The following COG5 variants were observed in gnomAD, a reference collection of about 807,000 sequenced individuals.
The protein encoded by COG5 is component of oligomeric golgi complex 5, also known as conserved oligomeric Golgi complex subunit 5.
Under a neutral mutation model 110.4 loss-of-function variants are expected in COG5, and 86 were observed. The observed-to-expected ratio is 0.78, with a 90% CI of 0.65 to 0.93. The LOEUF (loss-of-function observed/expected upper bound fraction) is 0.93, where lower values mean the gene tolerates loss of function less well. Ranked by LOEUF, COG5 falls within the 40% of genes least tolerant of loss-of-function variation. The pLI, the probability that COG5 is intolerant of heterozygous loss-of-function variation, is 0.00. For missense variants in COG5, 1,077 were observed against 987.0 expected (o/e 1.09, Z -1.22); for synonymous variants, 360 against 334.6 (o/e 1.08, Z -0.83).
intron 7 of COG5, among the ~76,000 whole-genome samples, chr7:107,377,693 G>A (rs1168587568): frequency 6.6e-6 from 1 of 152,152 alleles, no homozygotes; most frequent in Non-Finnish European, 1.5e-5. Flanking sequence ...GTGCATAACA[G>A]CAAAAATAAG....
intron 6 of COG5, among the ~76,000 whole-genome samples, chr7:107,451,180 T>C (rs944292541): frequency 1.3e-5 from 2 of 152,114 alleles, no homozygotes. Flanking sequence ...TGGATCCAGA[T>C]GTTGTGCATG....
At chr7:107,236,874 A>C (rs1293253279) in intron 17 of COG5, among the ~76,000 whole-genome samples, 187 bp from the exon 18 acceptor site, 1 of 152,242 alleles carries the variant, frequency 6.6e-6, no homozygotes, top group Non-Finnish European at 1.5e-5. Context: ...TACATTTCAA[A>C]AAGTGGTTTA....
chr7:107,207,561 C>T (rs1226017522), intron 21 of COG5, among the ~76,000 whole-genome samples: 1 of 152,202 alleles, frequency 6.6e-6, no homozygotes, highest in Non-Finnish European at 1.5e-5. Context: ...GAGGCCAACC[C>T]CACCGCTGTT....
chr7:107,297,488 G>C (rs536212150), intron 12 of COG5, among the ~76,000 whole-genome samples: 4 of 104,728 alleles, frequency 3.8e-5, no homozygotes, highest in Non-Finnish European at 7.3e-5. Context: ...TCATTTTGTC[G>C]CCCAGGCTGG....
At chr7:107,365,787 A>G (rs1035476685) in intron 8 of COG5, among the ~76,000 whole-genome samples, 1 of 152,092 alleles carries the variant, frequency 6.6e-6, no homozygotes, top group African/African-American at 2.4e-5. Flanking sequence ...ACTGGTAGCC[A>G]TACTAAGCTT....
At chr7:107,284,036 T>C (rs1020943309) in intron 12 of COG5, among the ~76,000 whole-genome samples, 5 of 152,030 alleles carry the variant, frequency 3.3e-5, no homozygotes, top group Admixed American at 3.3e-4. Flanking sequence ...GCGATTCTCC[T>C]GCCTCAGCCT....
chr7:107,260,075 G>GATATATATATATATATATAGATATATAT (rs143875588), intron 14 of COG5, among the ~76,000 whole-genome samples: 1 of 131,492 alleles, frequency 7.6e-6, no homozygotes, highest in Non-Finnish European at 1.7e-5. Context: ...AACTCCTAGT[G>GATATATATATATATATATAGATATATAT]ATATATATAT....
chr7:107,306,587 T>C (rs1459370147), intron 11 of COG5, among the ~76,000 whole-genome samples: 3 of 152,194 alleles, frequency 2.0e-5, no homozygotes, highest in African/African-American at 7.2e-5. Flanking sequence ...TCTCACATTT[T>C]GGTTTTCTAT....
chr7:107,533,993 G>A (rs1158005157), intron 5 of COG5, among the ~76,000 whole-genome samples: 3 of 151,686 alleles, frequency 2.0e-5, no homozygotes, highest in South Asian at 2.1e-4. Context: ...CAAGCCAGAA[G>A]AGAGTAGCAG....
chr7:107,541,165 A>T (rs1351290884), intron 5 of COG5, among the ~76,000 whole-genome samples: 1 of 150,450 alleles, frequency 6.6e-6, no homozygotes, highest in Non-Finnish European at 1.5e-5. Context: ...AAAAAAAAAA[A>T]ATTTATAAAC....
chr7:107,486,788 T>C (rs1453294596), intron 6 of COG5, among the ~76,000 whole-genome samples: 1 of 152,170 alleles, frequency 6.6e-6, no homozygotes, highest in Non-Finnish European at 1.5e-5. Flanking sequence ...GGATTATTCA[T>C]TAAGTAGTGT....
chr7:107,358,169 A>C (rs945914394), intron 10 of COG5, among the ~76,000 whole-genome samples: 2 of 152,198 alleles, frequency 1.3e-5, no homozygotes, highest in African/African-American at 4.8e-5. Context: ...TTGTTTCATT[A>C]TAACTGTTCT....
chr7:107,269,330 C>A (rs1395380415), intron 14 of COG5, among the ~76,000 whole-genome samples: 2 of 151,950 alleles, frequency 1.3e-5, no homozygotes, highest in Non-Finnish European at 2.9e-5. Flanking sequence ...AAAAAATTAG[C>A]CGGGTGTGGT....
chr7:107,563,551 G>C lies in COG5; in HGVS notation c.94+252C>G, dbSNP rs867424408. ...TCAGGGAAGCTGGAGGCATGGGGGG[G>C]GGGGGGGTCGAGTTGAAATGAGGAA... is the stretch of plus-strand genomic sequence containing the variant. On this transcript the variant is annotated intron_variant, in intron 1 of 21. Coordinates refer to ENST00000297135, the MANE Select transcript of COG5 (RefSeq NM_006348.5). 8.0e-4 allele frequency: 399 copies of C among 498,188 alleles called. 8 individuals are homozygous for C. The highest frequency in any genetic ancestry group is 5.9e-3 in the African/African-American group (302 of 50,848). The allele number at this position is 498,188 out of a possible 1,614,324, so 30.9% of individuals were successfully genotyped here. A position where few individuals can be genotyped will look rare whatever the true frequency, so the allele number is the denominator to read the frequency against.
chr7:107,555,997 G>A (rs1255615642), intron 2 of COG5, among the ~76,000 whole-genome samples: 2 of 150,028 alleles, frequency 1.3e-5, no homozygotes, highest in African/African-American at 4.9e-5. Flanking sequence ...CTGGGTGACA[G>A]AGCAAGACTC....
At chr7:107,356,077 AAAC>A (rs1197085422) in intron 10 of COG5, among the ~76,000 whole-genome samples, 1 of 152,240 alleles carries the variant, frequency 6.6e-6, no homozygotes, top group African/African-American at 2.4e-5. Flanking sequence ...ATTAATTTTA[AAAC>A]AACTCTAGAT....
chr7:107,263,508 G>T (rs1584591298), intron 14 of COG5, among the ~76,000 whole-genome samples: 1 of 152,198 alleles, frequency 6.6e-6, no homozygotes, highest in South Asian at 2.1e-4. Flanking sequence ...GTACAATCTG[G>T]AAAGATGTTA....
chr7:107,479,299 T>C (rs947168674), intron 6 of COG5, among the ~76,000 whole-genome samples: 2 of 152,054 alleles, frequency 1.3e-5, no homozygotes, highest in Non-Finnish European at 2.9e-5. Flanking sequence ...AAGTTAAATT[T>C]GGGTCATAAG....
At chr7:107,235,043 G>A (rs886386423) in intron 18 of COG5, among the ~76,000 whole-genome samples, 3 of 152,108 alleles carry the variant, frequency 2.0e-5, no homozygotes, top group Non-Finnish European at 4.4e-5. Context: ...CCAAATGAAG[G>A]CTCATTTCTA....
Sources: allele counts gnomAD v4.1 joint callset (sites outside exome capture counted in the v4.1 genomes callset), GRCh38; gene constraint gnomAD v4.1.1; transcripts MANE v1.5; gene names NCBI Gene and HGNC (gene_info 2026-07-23, HGNC 2026-07-21).